KRIT1: variants seen among roughly 807,000 people sequenced by gnomAD.
KRIT1 encodes KRIT1 ankyrin repeat containing, also known as krev interaction trapped protein 1.
In KRIT1, 45 loss-of-function variants were observed where a neutral mutation model predicts 95.8. That is an observed-to-expected ratio of 0.47 (90% CI 0.37 to 0.60). KRIT1 has a LOEUF of 0.60. KRIT1 is among the 20% of genes least tolerant of loss of function. The probability of loss-of-function intolerance (pLI) is 0.00; values close to 1 mark genes in which losing one functional copy is unlikely to be tolerated. For synonymous variants in KRIT1, 282 were observed against 278.8 expected (o/e 1.01, Z -0.11); for missense variants, 788 against 877.5 (o/e 0.90, Z 1.29).
At chr7:92,225,127 T>C (rs1257458011) in intron 12 of KRIT1, among the ~76,000 whole-genome samples, 1 of 152,076 alleles carries the variant, frequency 6.6e-6, no homozygotes, top group Non-Finnish European at 1.5e-5. Context: ...TATTCCAGCC[T>C]GGGTGACAGA....
Position 92,226,600 on chromosome 7 carries a change from G to A in KRIT1, c.1072C>T (p.Pro358Ser). The A allele has an allele frequency of 1.9e-6, 3 of 1,612,906 alleles. No homozygotes were observed. Among genetic ancestry groups the A allele is most frequent in the Non-Finnish European group, 2.5e-6 (3 of 1,179,120 alleles). The change falls in exon 11 of 19, where the codon CCT becomes TCT. Residue 358 changes from proline (P) to serine (S), a missense_variant. By Grantham distance (74) the Pro-to-Ser change is moderately conservative (BLOSUM62 -1). Transcript: ENST00000394505. ...CCTCCTCCAGCAGCAAAATGAAGAG[G>A]AGAACTAAGTTGTCCATTTAAAAGG... Reference protein sequence around the residue: ...PNLLNGQLSSPLHFAAGGGHA... With the variant: ...PNLLNGQLSSSLHFAAGGGHA...
intron 4 of KRIT1, 49 bp from the exon 5 acceptor site, chr7:92,241,201 C>T: frequency 3.1e-6 from 4 of 1,300,354 alleles, no homozygotes; most frequent in Non-Finnish European, 4.4e-6. Flanking sequence ...AGTCTACTTG[C>T]CCTAGAATAC....
At chr7:92,237,617 A>T in intron 6 of KRIT1, 50 bp downstream of exon 6, 3 of 1,049,336 alleles carry the variant, frequency 2.9e-6, no homozygotes, top group Non-Finnish European at 4.5e-6. Flanking sequence ...ATAGACCTTT[A>T]CTTAGCATCT....
rs1791815965 is a variant in KRIT1 at position 92,207,472 on chromosome 7, T to C, written c.2025+5723A>G. On this transcript the variant is annotated intron_variant, in intron 17 of 18. Coordinates refer to ENST00000394505, the MANE Select transcript of KRIT1 (RefSeq NM_194454.3). ...GGAATGACAGACTCCAATACAATAA[T>C]AGTTGGGGAATTCAACACCCCACTC... Among the ~76,000 whole-genome samples the C allele has an allele frequency of 2.0e-5, 3 of 152,132 alleles. No homozygotes were observed. In the South Asian group the frequency reaches 6.2e-4, roughly 31 times the overall value.
In KRIT1 at chr7:92,236,589, A is replaced by ATCTGCATGT. The variant is rs1326531332; in HGVS notation, c.356-56_356-48dup. On this transcript the variant is annotated intron_variant, in intron 6 of 18. Transcript: ENST00000394505. ...TTATGCTACCATATAAAAGGTTTAC[A>ATCTGCATGT]TCTGCATGTTTTCATCTAAAAATAC... 7.5e-6 allele frequency: 9 copies of ATCTGCATGT among 1,199,826 alleles called. No homozygotes were observed. In the South Asian group the frequency reaches 1.1e-4, roughly 15 times the overall value. The allele number at this position is 1,199,826 out of a possible 1,614,324, so 74.3% of individuals were successfully genotyped here. A position where few individuals can be genotyped will look rare whatever the true frequency, so the allele number is the denominator to read the frequency against.
chr7:92,226,656 A>G lies in KRIT1; in HGVS notation c.1016T>C (p.Ile339Thr), dbSNP rs763908207. 6.2e-7 allele frequency: 1 copy of G among 1,613,674 alleles called. No homozygotes were observed. The highest frequency in any genetic ancestry group is 8.5e-7 in the Non-Finnish European group (1 of 1,179,746). The change falls in exon 11 of 19, where the codon ATA (isoleucine) becomes ACA (threonine). Residue 339 changes from isoleucine to threonine, a missense_variant. By Grantham distance (89) the Ile-to-Thr change is moderately conservative. Around this residue, in one of 3 missense-constraint regions of KRIT1, gnomAD observed 493 missense variants for 582.3 expected, o/e 0.85. Coordinates refer to ENST00000394505, the MANE Select transcript of KRIT1 (RefSeq NM_194454.3). ...CWYGKVEATR[I>T]LLEKGKCNPN... is the part of the protein sequence containing the mutation. ...ATTGCACTTTCCTTTCTCTAACAAT[A>G]TGCGAGTGGCCTCAACTTTTCCATA...
Position 92,201,372 on chromosome 7 carries a change from T to C in KRIT1, c.2077A>G (p.Thr693Ala), listed in dbSNP as rs921259419. The C allele has an allele frequency of 1.2e-6, 2 of 1,602,512 alleles. No individual in the cohort carries two copies. Among genetic ancestry groups the C allele is most frequent in the Non-Finnish European group, 1.7e-6 (2 of 1,169,636 alleles). ...CTATGGATCTGAAAACAAGTATCAGTATCTCCCAATTGCCACATAAAACAA... is the reference window on the plus strand; with the variant it reads ...CTATGGATCTGAAAACAAGTATCAGCATCTCCCAATTGCCACATAAAACAA... ...YGCFMWQLGD[T>A]DTCFQIHSME... is the part of the protein sequence containing the mutation. The change falls in exon 18 of 19, where the codon ACT (threonine) becomes GCT (alanine). Residue 693 changes from threonine (T) to alanine (A), a missense_variant. Physicochemically the swap from Thr to Ala is moderately conservative, Grantham distance 58. This residue lies in a region of KRIT1 where 493 missense variants were observed against 582.3 expected (regional missense o/e 0.85). Transcript: ENST00000394505.
chr7:92,233,558 C>T (rs556770684), intron 10 of KRIT1, among the ~76,000 whole-genome samples: 2 of 152,076 alleles, frequency 1.3e-5, no homozygotes, highest in Admixed American at 6.5e-5. Context: ...AGGCGTGCAC[C>T]ACCACGCCCG....
chr7:92,204,604 T>G (rs1052198438), intron 17 of KRIT1, among the ~76,000 whole-genome samples: 1 of 151,892 alleles, frequency 6.6e-6, no homozygotes, highest in African/African-American at 2.4e-5. Context: ...AGGCATTACA[T>G]TCTCATAAGG....
At chr7:92,245,707 G>GA (rs1585057172) in intron 1 of KRIT1, 83 bp downstream of exon 1, 2 of 152,588 alleles carry the variant, frequency 1.3e-5, no homozygotes, top group East Asian at 3.9e-4. Flanking sequence ...GTCGCCAAAA[G>GA]AAAGCCGTCT....
At chr7:92,226,773 G>A (rs1055433794) in intron 10 of KRIT1, 91 bp from the exon 11 acceptor site, 3 of 1,129,318 alleles carry the variant, frequency 2.7e-6, no homozygotes, top group Non-Finnish European at 3.9e-6. Context: ...CCAAATTTTA[G>A]ATGATATCTC....
chr7:92,225,128 G>A (rs1021076712), intron 12 of KRIT1, among the ~76,000 whole-genome samples: 11 of 151,994 alleles, frequency 7.2e-5, no homozygotes, highest in African/African-American at 2.7e-4. Context: ...ATTCCAGCCT[G>A]GGTGACAGAG....
chr7:92,216,846 A>G (rs901942884), intron 14 of KRIT1, among the ~76,000 whole-genome samples: 4 of 152,220 alleles, frequency 2.6e-5, no homozygotes, highest in East Asian at 3.8e-4. Context: ...ATATGAGTAG[A>G]TAATAACAGT....
chr7:92,240,115 A>G (rs1799299403), intron 5 of KRIT1, among the ~76,000 whole-genome samples: 1 of 152,160 alleles, frequency 6.6e-6, no homozygotes, highest in Non-Finnish European at 1.5e-5. Flanking sequence ...AGGGAGCTAT[A>G]ATACAGTGAA....
chr7:92,246,090 TGAGCCG>T (rs886062498), upstream of KRIT1: 15 of 282,158 alleles, frequency 5.3e-5, no homozygotes, highest in South Asian at 1.9e-4. Context: ...TGCCAGCGGC[TGAGCCG>T]GAGCCGGAGC....
chr7:92,213,172 G>C, intron 17 of KRIT1, 23 bp downstream of exon 17: 1 of 1,514,466 alleles, frequency 6.6e-7, no homozygotes, highest in South Asian at 1.1e-5. Context: ...GACATGATTG[G>C]TAAAAAAGAG....
At position 92,221,912 on chromosome 7, in the gene KRIT1, A is replaced by G. The variant is rs142071709; in HGVS notation, c.1553T>C (p.Val518Ala). The change falls in exon 14 of 19, where the codon GTT becomes GCT. Residue 518 changes from valine (V) to alanine (A), a missense_variant. Coordinates refer to ENST00000394505, the MANE Select transcript of KRIT1 (RefSeq NM_194454.3). ...GATTTCCAAGCAAACCTGTTTTTCA[A>G]CTTCCAAGGGAAGTCTCACATCTCT... Reference protein sequence around the residue: ...LRRDVRLPLEVEKQIEDPLAI... With the variant: ...LRRDVRLPLEAEKQIEDPLAI... 3.5e-5 allele frequency: 56 copies of G among 1,613,554 alleles called. No individual in the cohort carries two copies. Among genetic ancestry groups the G allele is most frequent in the Non-Finnish European group, 4.4e-5 (52 of 1,179,762 alleles).
chr7:92,242,346 C>A (rs914671390), intron 3 of KRIT1, among the ~76,000 whole-genome samples: 1 of 152,088 alleles, frequency 6.6e-6, no homozygotes, highest in African/African-American at 2.4e-5. Flanking sequence ...CTTTACTGTT[C>A]AACTACTCAA....
intron 6 of KRIT1, among the ~76,000 whole-genome samples, 191 bp from the exon 7 acceptor site, chr7:92,236,733 T>C (rs1798509502): frequency 6.6e-6 from 1 of 152,124 alleles, no homozygotes. Flanking sequence ...AAATGCAACA[T>C]TTAGAATTTT....
Sources: gnomAD v4.1 joint callset for allele counts (sites outside exome capture counted in the v4.1 genomes callset) on GRCh38, gnomAD v4.1.1 for gene constraint, gnomAD v4.1.1 regional missense constraint, MANE v1.5 for transcripts, NCBI Gene and HGNC (gene_info 2026-07-23, HGNC 2026-07-21) for gene names.